CFH: variants seen among roughly 807,000 people sequenced by gnomAD.
CFH encodes the protein H factor 1 (complement).
CFH carries 53 observed loss-of-function variants against 147.3 expected under a neutral mutation model. The ratio of observed to expected loss-of-function variants is 0.36; its 90% CI spans 0.29 to 0.45. The LOEUF is 0.45. Ranked by LOEUF, CFH falls within the 20% of genes least tolerant of loss-of-function variation. The pLI, the probability that CFH is intolerant of heterozygous loss-of-function variation, is 1.00. For synonymous variants in CFH, 536 were observed against 489.4 expected (o/e 1.10, Z -1.26); for missense variants, 1,380 against 1,498.0 (o/e 0.92, Z 1.30).
rs1427209938 is a variant in CFH, at chr1:196,715,758, C to A, written c.1685C>A (p.Pro562His). The A allele has an allele frequency of 3.7e-6, 6 of 1,611,450 alleles. No individual in the cohort carries two copies. The highest frequency in any genetic ancestry group is 5.1e-6 in the Non-Finnish European group (6 of 1,178,480). ...GGTTACAATGGTTGGTCTGATTTACCCATATGTTATGGTAAGTACTGGTTT... is the reference window on the plus strand; with the variant it reads ...GGTTACAATGGTTGGTCTGATTTACACATATGTTATGGTAAGTACTGGTTT... ...VCGYNGWSDL[P>H]ICYERECELP... Residue 562 changes from proline (P) to histidine (H), a missense_variant, in exon 11 of 22, where the codon CCC (proline) becomes CAC (histidine). Physicochemically the swap from Pro to His is moderately conservative, Grantham distance 77. Transcript: ENST00000367429.
chr1:196,680,351 G>A (rs1399645368), intron 6 of CFH, among the ~76,000 whole-genome samples: 1 of 150,964 alleles, frequency 6.6e-6, no homozygotes, highest in Non-Finnish European at 1.5e-5. Flanking sequence ...CATTATGGAG[G>A]GATGTTACAC....
chr1:196,654,365 C>T (rs1225826394), intron 1 of CFH, among the ~76,000 whole-genome samples: 1 of 152,036 alleles, frequency 6.6e-6, no homozygotes, highest in Non-Finnish European at 1.5e-5. Context: ...TTGGGTACTA[C>T]ATAGAACCTT....
chr1:196,680,660 C>T (rs978719320), intron 6 of CFH, among the ~76,000 whole-genome samples: 5 of 151,776 alleles, frequency 3.3e-5, no homozygotes, highest in South Asian at 4.1e-4. Context: ...AGTGTTACCA[C>T]ATATGGTCCA....
At chr1:196,673,208 A>C in intron 2 of CFH, 45 bp downstream of exon 2, 1 of 1,495,756 alleles carries the variant, frequency 6.7e-7, no homozygotes, top group Non-Finnish European at 9.3e-7. Context: ...ACTAGGTGTA[A>C]AAATACTTAA....
chr1:196,707,113 T>C (rs1467943723), intron 9 of CFH, among the ~76,000 whole-genome samples: 2 of 152,080 alleles, frequency 1.3e-5, no homozygotes, highest in Non-Finnish European at 2.9e-5. Flanking sequence ...TCATACAGCC[T>C]GCAGACTGAA....
chr1:196,745,666 G>A, intron 20 of CFH, 151 bp from the exon 21 acceptor site: 4 of 1,019,744 alleles, frequency 3.9e-6, no homozygotes, highest in Non-Finnish European at 6.0e-6. Context: ...TCAGTTTAAA[G>A]GGTTAAAATT....
chr1:196,731,605 A>G (rs1010628118), intron 15 of CFH, among the ~76,000 whole-genome samples: 1 of 151,952 alleles, frequency 6.6e-6, no homozygotes, highest in Non-Finnish European at 1.5e-5. Flanking sequence ...ATACTTTAAC[A>G]TCTTCATGTT....
chr1:196,742,433 G>A (rs1262640982), intron 19 of CFH, among the ~76,000 whole-genome samples: 1 of 152,138 alleles, frequency 6.6e-6, no homozygotes, highest in Non-Finnish European at 1.5e-5. Context: ...TTTATATAGA[G>A]TGTTTTGGGA....
intron 4 of CFH, 83 bp from the exon 5 acceptor site, chr1:196,677,393 T>A: frequency 1.6e-6 from 2 of 1,255,440 alleles, no homozygotes; most frequent in East Asian, 2.4e-5. Flanking sequence ...AATCTTATCC[T>A]GAGGATGATT....
chr1:196,732,908 C>T (rs557487815), intron 15 of CFH, among the ~76,000 whole-genome samples: 41 of 152,192 alleles, frequency 2.7e-4, no homozygotes, highest in African/African-American at 9.4e-4. Flanking sequence ...AATACCTGTA[C>T]TAATATTCAG....
Position 196,692,598 on chromosome 1 carries a change from CCTTCTTT to C in CFH, c.1336+2363_1336+2369del, listed in dbSNP as rs1266428375. ...TTTTCTTTCTTTCTTTCCTTCTCTT[CCTTCTTT>C]CTTTTTCTTTCTTTCATTCTTTTTT... On this transcript the variant is annotated intron_variant, in intron 9 of 21. Transcript: ENST00000367429. Among the ~76,000 whole-genome samples, 7 of 70,678 alleles carry C rather than the reference CCTTCTTT, an allele frequency of 9.9e-5. No homozygotes were observed. The Admixed American group carries it at 1.2e-3, about 12-fold the overall frequency. 46.4% of individuals were successfully genotyped at this position (70,678 alleles called of 152,430 possible).
At chr1:196,716,301 A>T (rs1363130661) in intron 11 of CFH, among the ~76,000 whole-genome samples, 1 of 152,120 alleles carries the variant, frequency 6.6e-6, no homozygotes, top group Non-Finnish European at 1.5e-5. Context: ...AGAGTGTTCC[A>T]AGGCAAAGAA....
At chr1:196,676,161 T>C in intron 4 of CFH, 96 bp downstream of exon 4, 1 of 713,728 alleles carries the variant, frequency 1.4e-6, no homozygotes, top group South Asian at 2.2e-5. Context: ...TATTAAATAT[T>C]TTTATTTAAT....
chr1:196,727,172 A>G (rs1224248995), intron 14 of CFH, among the ~76,000 whole-genome samples: 1 of 152,156 alleles, frequency 6.6e-6, no homozygotes, highest in African/African-American at 2.4e-5. Context: ...AGTATTGTTT[A>G]TATTTAAAAG....
At chr1:196,701,238 C>T (rs1668439664) in intron 9 of CFH, 2 of 1,597,794 alleles carry the variant, frequency 1.3e-6, no homozygotes, top group Non-Finnish European at 8.6e-7. Context: ...CAGTCACATT[C>T]AGTTAGTCCT....
chr1:196,729,901 A>G (rs1474042781), intron 15 of CFH, among the ~76,000 whole-genome samples: 1 of 151,734 alleles, frequency 6.6e-6, no homozygotes, highest in Non-Finnish European at 1.5e-5. Flanking sequence ...CTCTCATTAT[A>G]CTTTGTATTT....
intron 9 of CFH, among the ~76,000 whole-genome samples, chr1:196,698,011 G>T (rs1668335162): frequency 8.2e-6 from 1 of 122,568 alleles, no homozygotes; most frequent in Non-Finnish European, 1.7e-5. Context: ...TTGTGGGGTG[G>T]GGGGAGGGGG....
At position 196,685,107 on chromosome 1, in the gene CFH, A is replaced by T; in HGVS notation, c.834A>T (p.Ser278=). 1 of 1,612,358 alleles carries T rather than the reference A, an allele frequency of 6.2e-7. No individual in the cohort carries two copies. The highest frequency in any genetic ancestry group is 8.5e-7 in the Non-Finnish European group (1 of 1,178,706). The change falls in exon 7 of 22, where the codon TCA becomes TCT. Residue 278 remains serine (S), a synonymous_variant. Coordinates refer to ENST00000367429, the MANE Select transcript of CFH (RefSeq NM_000186.4). ...DNPYIPNGDY[S]PLRIKHRTGD... ...CTTATATTCCAAATGGTGACTACTC[A>T]CCTTTAAGGATTAAACACAGAACTG...
chr1:196,714,588 C>T (rs1668800262), intron 10 of CFH, among the ~76,000 whole-genome samples: 1 of 135,644 alleles, frequency 7.4e-6, no homozygotes. Context: ...TGCAAAACCA[C>T]TCAGTAATAT....
Sources: allele counts gnomAD v4.1 joint callset (sites outside exome capture counted in the v4.1 genomes callset), GRCh38; gene constraint gnomAD v4.1.1; transcripts MANE v1.5; gene names NCBI Gene and HGNC (gene_info 2026-07-23, HGNC 2026-07-21).